Variants in ARHGAP44 observed in about 807,000 individuals in gnomAD.
The protein encoded by ARHGAP44 is rho GTPase-activating protein 44.
A neutral mutation model predicts 106.8 loss-of-function variants in ARHGAP44; 43 were observed. The ratio of observed to expected loss-of-function variants is 0.40; its 90% CI spans 0.32 to 0.52. ARHGAP44 has a LOEUF of 0.52. ARHGAP44 is among the 20% of genes least tolerant of loss of function. The probability of loss-of-function intolerance (pLI) is 0.48; values close to 1 mark genes in which losing one functional copy is unlikely to be tolerated. For missense variants in ARHGAP44, 866 were observed against 1,050.5 expected, an observed-to-expected ratio of 0.82 and a Z score of 2.43; for synonymous variants, 439 against 410.3, an observed-to-expected ratio of 1.07 and a Z score of -0.85.
At chr17:12,917,069 TCTGGTCCCAAGC>T (rs1182892941) in intron 5 of ARHGAP44, among the ~76,000 whole-genome samples, 1 of 152,180 alleles carries the variant, frequency 6.6e-6, no homozygotes, top group East Asian at 1.9e-4. Context: ...CCCAAATATT[TCTGGTCCCAAGC>T]ATTTCAGATA....
chr17:12,974,025 G>T, intron 17 of ARHGAP44, 64 bp from the exon 18 acceptor site: 1 of 1,485,348 alleles, frequency 6.7e-7, no homozygotes, highest in Non-Finnish European at 9.2e-7. Flanking sequence ...GAATGTGGGG[G>T]AGGGAGCCTG....
chr17:12,952,721 T>TA, intron 13 of ARHGAP44, 140 bp downstream of exon 13: 3 of 383,916 alleles, frequency 7.8e-6, no homozygotes, highest in Non-Finnish European at 1.4e-5. Flanking sequence ...ATGCATGGTC[T>TA]CTTTTTTTTT....
At chr17:12,798,952 A>G (rs942584856) in intron 1 of ARHGAP44, among the ~76,000 whole-genome samples, 17 of 152,198 alleles carry the variant, frequency 1.1e-4, no homozygotes, top group African/African-American at 4.1e-4. Flanking sequence ...AAAAGCATTC[A>G]TTATACTATG....
chr17:12,871,084 A>G (rs1330928758), intron 1 of ARHGAP44, among the ~76,000 whole-genome samples: 8 of 152,170 alleles, frequency 5.3e-5, no homozygotes, highest in Admixed American at 5.2e-4. Context: ...TTGGCCTTCT[A>G]TGCCTTGTCC....
chr17:12,821,438 A>T (rs1020303514), intron 1 of ARHGAP44, among the ~76,000 whole-genome samples: 3 of 152,194 alleles, frequency 2.0e-5, no homozygotes, highest in Non-Finnish European at 4.4e-5. Flanking sequence ...GGCTTCATAT[A>T]TGCAGCTCTT....
At chr17:12,884,452 A>G (rs1020604180) in intron 1 of ARHGAP44, among the ~76,000 whole-genome samples, 2 of 152,234 alleles carry the variant, frequency 1.3e-5, no homozygotes, top group African/African-American at 4.8e-5. Flanking sequence ...AAGAGCTTAG[A>G]ACACTTAACT....
chr17:12,831,458 C>T (rs1044909022), intron 1 of ARHGAP44, among the ~76,000 whole-genome samples: 2 of 152,152 alleles, frequency 1.3e-5, no homozygotes, highest in Non-Finnish European at 2.9e-5. Flanking sequence ...TTCGTTTGTA[C>T]AGAGGTTACT....
At position 12,845,519 on chromosome 17, in the gene ARHGAP44, A is replaced by AAAC. The variant is rs1567645092; in HGVS notation, c.54-49419_54-49418insCAA. Among the ~76,000 whole-genome samples, 455 of 150,612 alleles carry AAAC rather than the reference A, an allele frequency of 3.0e-3. 6 individuals are homozygous for AAAC. Among genetic ancestry groups the AAAC allele is most frequent in the African/African-American group, 0.01 (424 of 40,498 alleles). Reference sequence around the variant, plus strand: ...AAGACTCCGTCTCAAAAAAAAAAAAAAAACAAAAAAACAACTCTTTCTTTC... The same window carrying AAAC: ...AAGACTCCGTCTCAAAAAAAAAAAAAAACAAACAAAAAAACAACTCTTTCTTTC... On this transcript the variant is annotated intron_variant, in intron 1 of 20. Coordinates refer to ENST00000379672, the MANE Select transcript of ARHGAP44 (RefSeq NM_014859.6).
intron 1 of ARHGAP44, among the ~76,000 whole-genome samples, chr17:12,841,880 A>T (rs115943089): frequency 6.6e-6 from 1 of 152,138 alleles, no homozygotes; most frequent in African/African-American, 2.4e-5. Context: ...GGGGTTTGCA[A>T]ATTTTTCAGG....
chr17:12,871,230 C>G (rs962034651), intron 1 of ARHGAP44, among the ~76,000 whole-genome samples: 3 of 152,140 alleles, frequency 2.0e-5, no homozygotes, highest in Admixed American at 6.5e-5. Context: ...TCAACTCTCA[C>G]GTCAAATTGT....
chr17:12,990,249 C>CTTGCCAAGTG lies in ARHGAP44; in HGVS notation c.*81_*90dup. 6.6e-7 allele frequency: 1 copy of CTTGCCAAGTG among 1,521,372 alleles called. No individual in the cohort carries two copies. The highest frequency in any genetic ancestry group is 8.9e-7 in the Non-Finnish European group (1 of 1,124,202). 94.2% of individuals were successfully genotyped at this position (1,521,372 alleles called of 1,614,324 possible). A position where few individuals can be genotyped will look rare whatever the true frequency, so the allele number is the denominator to read the frequency against. On this transcript the variant is annotated 3_prime_UTR_variant, in exon 21 of 21. Transcript: ENST00000379672. ...CGCCGCCAGGAGCAGCGTCCATGAG[C>CTTGCCAAGTG]TTGCCAAGTGTTCTCTGCTGGCTCT...
At chr17:12,892,899 CAA>C (rs2037090011) in intron 1 of ARHGAP44, among the ~76,000 whole-genome samples, 1 of 150,876 alleles carries the variant, frequency 6.6e-6, no homozygotes. Flanking sequence ...TCATTTATTT[CAA>C]AAGTGTTTAT....
intron 1 of ARHGAP44, among the ~76,000 whole-genome samples, chr17:12,879,084 C>T (rs535029199): frequency 2.6e-5 from 4 of 152,212 alleles, no homozygotes; most frequent in South Asian, 2.1e-4. Flanking sequence ...ACCCATCAAC[C>T]GAGCAGTGTA....
intron 16 of ARHGAP44, chr17:12,959,131 T>G: frequency 1.9e-6 from 1 of 514,472 alleles, no homozygotes; most frequent in Admixed American, 3.3e-5. Flanking sequence ...TGATCAGTAT[T>G]AATTAGTTCT....
intron 7 of ARHGAP44, among the ~76,000 whole-genome samples, chr17:12,940,227 G>C (rs2038669636): frequency 1.3e-5 from 1 of 74,284 alleles, no homozygotes; most frequent in Non-Finnish European, 2.7e-5. Context: ...GCCTAGAGCA[G>C]CTGCACAAGG....
At chr17:12,809,878 C>T (rs2034386867) in intron 1 of ARHGAP44, among the ~76,000 whole-genome samples, 1 of 152,086 alleles carries the variant, frequency 6.6e-6, no homozygotes, top group Non-Finnish European at 1.5e-5. Flanking sequence ...GGTGCTTGGG[C>T]AAAGGGTGCT....
chr17:12,967,750 C>A (rs1310516676), intron 16 of ARHGAP44, among the ~76,000 whole-genome samples: 1 of 152,154 alleles, frequency 6.6e-6, no homozygotes, highest in Non-Finnish European at 1.5e-5. Flanking sequence ...TGGTCCTGGG[C>A]CTAATCCTCT....
chr17:12,943,084 A>G (rs1325638487), intron 8 of ARHGAP44, among the ~76,000 whole-genome samples: 3 of 152,182 alleles, frequency 2.0e-5, no homozygotes, highest in Non-Finnish European at 2.9e-5. Flanking sequence ...ATTTGTTTCT[A>G]TTTTAAGAGA....
intron 14 of ARHGAP44, 84 bp downstream of exon 14, chr17:12,956,064 GCTGA>G: frequency 5.4e-6 from 5 of 925,314 alleles, no homozygotes; most frequent in Non-Finnish European, 8.6e-6. Flanking sequence ...CTGGGGCCTA[GCTGA>G]GCACCAGCCT....
Sources: gnomAD v4.1 joint callset for allele counts (sites outside exome capture counted in the v4.1 genomes callset) on GRCh38, gnomAD v4.1.1 for gene constraint, MANE v1.5 for transcripts, NCBI Gene and HGNC (gene_info 2026-07-23, HGNC 2026-07-21) for gene names.